The following GPD1L variants were observed in gnomAD, a reference collection of about 807,000 sequenced individuals.
GPD1L encodes the protein glycerol-3-phosphate dehydrogenase 1 like.
Under a neutral mutation model 32.9 loss-of-function variants are expected in GPD1L, and 17 were observed. The ratio of observed to expected loss-of-function variants is 0.52; its 90% CI spans 0.35 to 0.78. The LOEUF (loss-of-function observed/expected upper bound fraction) is 0.78. GPD1L is among the 30% of genes least tolerant of loss of function. The pLI is 0.01. For synonymous variants in GPD1L, 187 were observed against 165.9 expected (o/e 1.13, Z -0.98); for missense variants, 361 against 447.8 (o/e 0.81, Z 1.75).
chr3:32,162,046 G>GA (rs1463381993), intron 7 of GPD1L, among the ~76,000 whole-genome samples: 3 of 152,114 alleles, frequency 2.0e-5, no homozygotes, highest in South Asian at 2.1e-4. Context: ...CATTGCTATA[G>GA]AAAAAATAGC....
Position 32,146,759 on chromosome 3 carries a change from T to C in GPD1L, c.618+25T>C, listed in dbSNP as rs1575118035. ...GGTAAAGTCAGCCTCAGGGGAGGAGTTCATCAAGCAAGGCAAATGTTAGCA... is the reference window on the plus strand; with the variant it reads ...GGTAAAGTCAGCCTCAGGGGAGGAGCTCATCAAGCAAGGCAAATGTTAGCA... On this transcript the variant is annotated intron_variant, in intron 5 of 7. Coordinates refer to ENST00000282541, the MANE Select transcript of GPD1L (RefSeq NM_015141.4). 6.0e-6 allele frequency: 8 copies of C among 1,332,892 alleles called. No individual in the cohort carries two copies. The East Asian group carries it at 1.8e-4, about 31-fold the overall frequency. 82.6% of individuals were successfully genotyped at this position (1,332,892 alleles called of 1,614,324 possible).
intron 1 of GPD1L, among the ~76,000 whole-genome samples, chr3:32,124,824 G>C (rs770735010): frequency 1.1e-4 from 17 of 152,058 alleles, no homozygotes; most frequent in Non-Finnish European, 1.6e-4. Context: ...TACTCGAGGG[G>C]CCAGGGATGA....
At chr3:32,144,946 C>T (rs1700798481) in intron 4 of GPD1L, among the ~76,000 whole-genome samples, 1 of 151,094 alleles carries the variant, frequency 6.6e-6, no homozygotes. Flanking sequence ...TCAAGTAATC[C>T]ACTTACCTGA....
At chr3:32,138,437 A>G in intron 2 of GPD1L, 150 bp from the exon 3 acceptor site, 1 of 812,528 alleles carries the variant, frequency 1.2e-6, no homozygotes, top group Admixed American at 1.7e-5. Context: ...GGAATAAGGA[A>G]GGCAAAGCAA....
intron 1 of GPD1L, among the ~76,000 whole-genome samples, chr3:32,115,574 CA>C (rs1207988930): frequency 6.6e-6 from 1 of 151,614 alleles, no homozygotes; most frequent in Non-Finnish European, 1.5e-5. Flanking sequence ...GGGTTATAGG[CA>C]AAAAAAGAAC....
intron 1 of GPD1L, among the ~76,000 whole-genome samples, chr3:32,112,282 G>A (rs1700264087): frequency 1.7e-5 from 1 of 60,336 alleles, no homozygotes; most frequent in South Asian, 8.6e-4. Context: ...TTTGAGTCCA[G>A]CCTGAGAAAC....
chr3:32,118,257 A>G (rs1283613422), intron 1 of GPD1L, among the ~76,000 whole-genome samples: 2 of 152,240 alleles, frequency 1.3e-5, no homozygotes, highest in African/African-American at 4.8e-5. Context: ...TTTGGAAAAG[A>G]TAGGCAAGTA....
intron 1 of GPD1L, among the ~76,000 whole-genome samples, chr3:32,118,964 G>A (rs1258149470): frequency 3.3e-5 from 5 of 152,144 alleles, no homozygotes; most frequent in Non-Finnish European, 5.9e-5. Context: ...TTTTAAGGCT[G>A]GATAATATCC....
At chr3:32,135,499 C>G (rs1166567754) in intron 2 of GPD1L, among the ~76,000 whole-genome samples, 1 of 152,164 alleles carries the variant, frequency 6.6e-6, no homozygotes, top group Non-Finnish European at 1.5e-5. Flanking sequence ...GTCGCCCAGG[C>G]TGGAGTGCAG....
intron 7 of GPD1L, among the ~76,000 whole-genome samples, chr3:32,163,161 CT>C (rs34385950): frequency 0.077 from 6,030 of 77,962 alleles, 26 homozygotes; most frequent in African/African-American, 0.092. Flanking sequence ...CTGGTTTGTC[CT>C]TTTTTTTTTT....
chr3:32,128,034 C>G, intron 1 of GPD1L, 42 bp from the exon 2 acceptor site: 1 of 1,387,102 alleles, frequency 7.2e-7, no homozygotes. Context: ...CTCTCCCGCC[C>G]AAGTGAGTTT....
rs576798432 is a variant in GPD1L at position 32,122,610 on chromosome 3, G to A, written c.48-5466G>A. On this transcript the variant is annotated intron_variant, in intron 1 of 7. Transcript: ENST00000282541. Reference sequence around the variant, plus strand: ...TGTAAAGACCCAGGACTGGCCATCAGCAGACCTGAGTCCTCCAAGTTCTGC... The same window carrying A: ...TGTAAAGACCCAGGACTGGCCATCAACAGACCTGAGTCCTCCAAGTTCTGC... Among the ~76,000 whole-genome samples, 3 of 152,288 alleles carry A rather than the reference G, an allele frequency of 2.0e-5. No homozygotes were observed. The South Asian group carries it at 6.2e-4, about 32-fold the overall frequency.
intron 1 of GPD1L, among the ~76,000 whole-genome samples, chr3:32,109,310 G>A (rs925040866): frequency 6.6e-6 from 1 of 152,178 alleles, no homozygotes; most frequent in Non-Finnish European, 1.5e-5. Flanking sequence ...TTTGCAAGAT[G>A]CAGGACAAGT....
intron 2 of GPD1L, among the ~76,000 whole-genome samples, chr3:32,137,131 A>T (rs959662044): frequency 8.5e-5 from 13 of 152,202 alleles, no homozygotes; most frequent in African/African-American, 3.1e-4. Flanking sequence ...CCCATTCCGA[A>T]TGATGTTCCT....
rs554960223 is a variant in GPD1L, at chr3:32,106,707, C to T, written c.-5C>T. 28 of 1,559,258 alleles carry T rather than the reference C, an allele frequency of 1.8e-5. No individual in the cohort carries two copies. In the South Asian group the frequency reaches 2.8e-4, roughly 16 times the overall value. ...ACGGTCCAGGCGGCTACATTCGGCCCGGCCATGGCAGCGGCGCCCCTGAAA... is the reference window on the plus strand; with the variant it reads ...ACGGTCCAGGCGGCTACATTCGGCCTGGCCATGGCAGCGGCGCCCCTGAAA... On this transcript the variant is annotated 5_prime_UTR_variant, in exon 1 of 8. Transcript: ENST00000282541. The surrounding 1 kb of genome is among the most constrained non-coding windows in gnomAD (Gnocchi z 4.0).
intron 1 of GPD1L, among the ~76,000 whole-genome samples, chr3:32,107,607 T>C (rs1304333541): frequency 6.6e-6 from 1 of 152,154 alleles, no homozygotes; most frequent in African/African-American, 2.4e-5. Context: ...TGGTGTACAA[T>C]AGTTAAGAGT....
At chr3:32,107,953 G>A (rs1700187548) in intron 1 of GPD1L, among the ~76,000 whole-genome samples, 2 of 152,122 alleles carry the variant, frequency 1.3e-5, no homozygotes, top group South Asian at 4.1e-4. Context: ...GTGCGATCTT[G>A]GCTCACTGCA....
chr3:32,147,525 GGGGAACAACCAACA>G (rs1344401343), intron 5 of GPD1L, among the ~76,000 whole-genome samples: 1 of 152,090 alleles, frequency 6.6e-6, no homozygotes, highest in Admixed American at 6.5e-5. Flanking sequence ...CCGTGACTTG[GGGGAACAACCAACA>G]GGGAACAGCA....
chr3:32,139,779 T>A (rs950719305), intron 3 of GPD1L, among the ~76,000 whole-genome samples: 6 of 152,222 alleles, frequency 3.9e-5, no homozygotes, highest in African/African-American at 1.4e-4. Context: ...AGTGAATCTC[T>A]AAAACGGTAT....
Sources: gnomAD v4.1 joint callset for allele counts (sites outside exome capture counted in the v4.1 genomes callset) on GRCh38, gnomAD v4.1.1 for gene constraint, Gnocchi (gnomAD v3.1) non-coding constraint, MANE v1.5 for transcripts, NCBI Gene and HGNC (gene_info 2026-07-23, HGNC 2026-07-21) for gene names.